Variants in DHRS12 observed in about 807,000 individuals in gnomAD.
DHRS12 encodes the protein dehydrogenase/reductase 12, also known as dehydrogenase/reductase SDR family member 12.
A neutral mutation model predicts 32.1 loss-of-function variants in DHRS12; 29 were observed. The observed-to-expected ratio is 0.90, with a 90% CI of 0.67 to 1.23. DHRS12 has a LOEUF of 1.23. Ranked by LOEUF, DHRS12 falls within the 50% of genes most tolerant of loss-of-function variation. The pLI is 0.00. For synonymous variants in DHRS12, 150 were observed against 135.9 expected (o/e 1.10, Z -0.72); for missense variants, 330 against 337.2 (o/e 0.98, Z 0.17).
Position 51,782,389 on chromosome 13 carries a change from G to A in DHRS12, c.302-5268C>T, listed in dbSNP as rs1651543307. Among the ~76,000 whole-genome samples, 2 of 152,180 alleles carry A rather than the reference G, an allele frequency of 1.3e-5. No homozygotes were observed. On this transcript the variant is annotated intron_variant, in intron 4 of 8. Transcript: ENST00000444610. The surrounding 1 kb of genome is among the most constrained non-coding windows in gnomAD (Gnocchi z 4.2). ...AGCTGGCTAAGGAGGTTGAGAAGGA[G>A]CCAACCTCCGAGGGTGGAATCACAG...
Position 51,768,239 on chromosome 13 carries a change from T to G in DHRS12, c.755A>C (p.Glu252Ala). Residue 252 changes from glutamate (E) to alanine (A), a missense_variant, in exon 9 of 9, where the codon GAA becomes GCA. Glu to Ala is a moderately radical substitution (Grantham distance 107). Coordinates refer to ENST00000444610, the MANE Select transcript of DHRS12 (RefSeq NM_001377533.1). Reference protein sequence around the residue: ...PLATASSSPAEEEKLIEILEQ... With the variant: ...PLATASSSPAAEEKLIEILEQ... ...CAGGATTTCAATGAGTTTCTCCTCT[T>G]CGGCCGGTGAGGAGGACGCTGTAGC... 6.5e-7 allele frequency: 1 copy of G among 1,536,118 alleles called. No homozygotes were observed. The highest frequency in any genetic ancestry group is 8.7e-7 in the Non-Finnish European group (1 of 1,146,916).
At chr13:51,777,871 A>T (rs911161349) in intron 4 of DHRS12, among the ~76,000 whole-genome samples, 1 of 152,236 alleles carries the variant, frequency 6.6e-6, no homozygotes. Flanking sequence ...GTATTTTTTT[A>T]AACAATGAAT....
chr13:51,759,942 G>A, the DHRS12 span: 98 of 593,856 alleles, frequency 1.7e-4, no homozygotes, highest in Middle Eastern at 8.2e-4. Context: ...GTGAGCACTC[G>A]CAAGGGGACT....
In DHRS12 at chr13:51,768,817, G is replaced by C. The variant is rs541421881; in HGVS notation, c.697+339C>G. 216 of 1,271,644 alleles carry C rather than the reference G, an allele frequency of 1.7e-4. 1 individual carries two copies. The South Asian group carries it at 3.9e-3, about 23-fold the overall frequency. The allele number at this position is 1,271,644 out of a possible 1,614,324, so 78.8% of individuals were successfully genotyped here. ...TTTGCACTGCAGAGAAGCAGAGTCC[G>C]TTACTCCCTTTGCAGTGCAGCTTTG... On this transcript the variant is annotated intron_variant, in intron 8 of 8. Coordinates refer to ENST00000444610, the MANE Select transcript of DHRS12 (RefSeq NM_001377533.1).
rs1058142 is a variant in DHRS12 at position 51,768,070 on chromosome 13, G to A, written c.*117C>T. ...TCCCATCCCTTGTAGGCCTCGCTGTGAGGCACAACGTCTTCGAGGGGAAGT... is the reference window on the plus strand; with the variant it reads ...TCCCATCCCTTGTAGGCCTCGCTGTAAGGCACAACGTCTTCGAGGGGAAGT... On this transcript the variant is annotated 3_prime_UTR_variant, in exon 9 of 9. Transcript: ENST00000444610. 0.26 allele frequency: 377,246 copies of A among 1,474,376 alleles called. 49,569 individuals carry two copies. The highest frequency in any genetic ancestry group is 0.35 in the South Asian group (25,277 of 72,652). The allele number at this position is 1,474,376 out of a possible 1,614,324, so 91.3% of individuals were successfully genotyped here. A position where few individuals can be genotyped will look rare whatever the true frequency, so the allele number is the denominator to read the frequency against.
intron 1 of DHRS12, among the ~76,000 whole-genome samples, chr13:51,800,542 G>A (rs772728942): frequency 4.6e-5 from 7 of 152,186 alleles, no homozygotes; most frequent in South Asian, 2.1e-4. Context: ...TCTCACCTAC[G>A]GAGCCGAGAG....
At chr13:51,757,333 T>C in the DHRS12 span, among the ~76,000 whole-genome samples, 1 of 152,214 alleles carries the variant, frequency 6.6e-6, no homozygotes, top group East Asian at 1.9e-4. Context: ...CTTCATTTTG[T>C]AGCTAAAGAC....
At position 51,768,308 on chromosome 13, in the gene DHRS12, A is replaced by G; in HGVS notation, c.698-12T>C. The G allele has an allele frequency of 6.5e-7, 1 of 1,535,558 alleles. No individual in the cohort carries two copies. The highest frequency in any genetic ancestry group is 8.7e-7 in the Non-Finnish European group (1 of 1,146,906). ...AACTGGCTTCCGATCTAAAAGTGAG[A>G]GGGAACCGCAGAGAGGTGTGAGCTG... On this transcript the variant is annotated splice_polypyrimidine_tract_variant and intron_variant, in intron 8 of 8. Coordinates refer to ENST00000444610, the MANE Select transcript of DHRS12 (RefSeq NM_001377533.1).
intron 1 of DHRS12, chr13:51,803,793 G>A: frequency 3.2e-6 from 1 of 310,506 alleles, no homozygotes; most frequent in Non-Finnish European, 5.8e-6. Flanking sequence ...TCAGTGGGAC[G>A]GCCCTGGGCT....
In DHRS12 at chr13:51,784,631, G is replaced by C. The variant is rs1954868111; in HGVS notation, c.301+5380C>G. Among the ~76,000 whole-genome samples the C allele has an allele frequency of 2.6e-5, 4 of 152,192 alleles. No individual in the cohort carries two copies. The South Asian group carries it at 8.3e-4, about 32-fold the overall frequency. On this transcript the variant is annotated intron_variant, in intron 4 of 8. Transcript: ENST00000444610. ...GGGAGCCTTGAAGGTTTGTGAGCTG[G>C]AAGGAGATATTAGGAACAAAACGAT...
chr13:51,792,643 G>C (rs182873019), intron 2 of DHRS12, among the ~76,000 whole-genome samples: 1 of 152,056 alleles, frequency 6.6e-6, no homozygotes, highest in Non-Finnish European at 1.5e-5. Context: ...CAAGTGATCT[G>C]TCTGCCTTGG....
chr13:51,771,743 G>A (rs574955524), intron 7 of DHRS12, 78 bp downstream of exon 7: 10 of 1,543,180 alleles, frequency 6.5e-6, no homozygotes, highest in Middle Eastern at 1.7e-4. Flanking sequence ...GTCATTCCTG[G>A]GGAGAGTCAA....
At chr13:51,797,142 C>T (rs1955543893) in intron 2 of DHRS12, among the ~76,000 whole-genome samples, 1 of 152,008 alleles carries the variant, frequency 6.6e-6, no homozygotes, top group Non-Finnish European at 1.5e-5. Context: ...TCAGGGTTTT[C>T]CATTCAGGGC....
intron 5 of DHRS12, chr13:51,775,970 T>C (rs1225530241): frequency 7.5e-6 from 1 of 134,070 alleles, no homozygotes; most frequent in Non-Finnish European, 1.6e-5. Context: ...TTCTACAGTA[T>C]TCTCCTACAG....
At chr13:51,797,335 T>A (rs1178050789) in intron 2 of DHRS12, among the ~76,000 whole-genome samples, 1 of 152,240 alleles carries the variant, frequency 6.6e-6, no homozygotes, top group Non-Finnish European at 1.5e-5. Context: ...ATGTAGCCAA[T>A]CCTGGTTCCA....
rs150646846 is a variant in DHRS12, at chr13:51,782,523, T to G, written c.302-5402A>C. Among the ~76,000 whole-genome samples, 1 of 152,080 alleles carries G rather than the reference T, an allele frequency of 6.6e-6. No individual in the cohort carries two copies. The highest frequency in any genetic ancestry group is 1.5e-5 in the Non-Finnish European group (1 of 68,022). ...GAACCAGGAATATCAGGGTCATAGG[T>G]GACCTCAGCATGAGAGTGGCCAAAG... On this transcript the variant is annotated intron_variant, in intron 4 of 8. Coordinates refer to ENST00000444610, the MANE Select transcript of DHRS12 (RefSeq NM_001377533.1). The surrounding 1 kb of genome is among the most constrained non-coding windows in gnomAD (Gnocchi z 4.2).
intron 4 of DHRS12, among the ~76,000 whole-genome samples, chr13:51,784,053 A>T (rs1406826058): frequency 1.3e-5 from 2 of 152,140 alleles, no homozygotes; most frequent in Non-Finnish European, 2.9e-5. Flanking sequence ...CATCATCCCC[A>T]TTTTACAGAA....
chr13:51,787,549 G>A (rs1402623318), intron 4 of DHRS12, among the ~76,000 whole-genome samples: 3 of 151,206 alleles, frequency 2.0e-5, no homozygotes, highest in Non-Finnish European at 4.4e-5. Flanking sequence ...AAGTCAGACC[G>A]AGGTTCACAT....
intron 2 of DHRS12, among the ~76,000 whole-genome samples, chr13:51,799,247 T>C (rs78724902): frequency 2.6e-5 from 4 of 152,190 alleles, no homozygotes; most frequent in Admixed American, 2.6e-4. Context: ...GGGATTCTGA[T>C]GTCCAGGGTT....
Sources: gnomAD v4.1 joint callset for allele counts (sites outside exome capture counted in the v4.1 genomes callset) on GRCh38, gnomAD v4.1.1 for gene constraint, Gnocchi (gnomAD v3.1) non-coding constraint, MANE v1.5 for transcripts, NCBI Gene and HGNC (gene_info 2026-07-23, HGNC 2026-07-21) for gene names.